Variants in NSF observed in about 807,000 individuals in gnomAD.
NSF encodes the protein N-ethylmaleimide sensitive factor, vesicle fusing ATPase.
NSF carries 14 observed loss-of-function variants against 50.3 expected under a neutral mutation model. That is an observed-to-expected ratio of 0.28 (90% CI 0.18 to 0.44). The LOEUF (loss-of-function observed/expected upper bound fraction) is 0.44. Ranked by LOEUF, NSF falls within the 20% of genes least tolerant of loss-of-function variation. The probability of loss-of-function intolerance (pLI) is 1.00; values close to 1 mark genes in which losing one functional copy is unlikely to be tolerated. For missense variants in NSF, 218 were observed against 504.3 expected (o/e 0.43, Z 5.44); for synonymous variants, 109 against 175.7 (o/e 0.62, Z 3.00).
chr17:46,725,861 A>G (rs2058884213), intron 15 of NSF, among the ~76,000 whole-genome samples: 1 of 152,170 alleles, frequency 6.6e-6, no homozygotes, highest in African/African-American at 2.4e-5. Context: ...CAAAAAGGCT[A>G]GTCTCAAGGC....
Position 46,755,683 on chromosome 17 carries a change from A to G in NSF, c.2214-119A>G. ...AGTGCTCATCTAATAGCAAATGCAT[A>G]GTGGGAAATGTAGGATAACCATTAA... On this transcript the variant is annotated intron_variant, in intron 20 of 20. Coordinates refer to ENST00000398238, the MANE Select transcript of NSF (RefSeq NM_006178.4). The G allele has an allele frequency of 3.6e-6, 4 of 1,109,724 alleles. No homozygotes were observed. In the East Asian group the frequency reaches 7.5e-5, roughly 21 times the overall value. The allele number at this position is 1,109,724 out of a possible 1,614,324, so 68.7% of individuals were successfully genotyped here. A position where few individuals can be genotyped will look rare whatever the true frequency, so the allele number is the denominator to read the frequency against.
intron 17 of NSF, among the ~76,000 whole-genome samples, chr17:46,739,416 G>A (rs1200082844): frequency 7.1e-6 from 1 of 140,808 alleles, no homozygotes; most frequent in Non-Finnish European, 1.5e-5. Context: ...GTGCACACCT[G>A]TAATTCCAGC....
chr17:46,729,489 G>A (rs928414784), intron 17 of NSF, among the ~76,000 whole-genome samples: 6 of 152,010 alleles, frequency 3.9e-5, no homozygotes, highest in East Asian at 1.9e-4. Context: ...GTGGCTATTA[G>A]AGACTTGTGA....
At chr17:46,622,348 C>G in intron 1 of NSF, among the ~76,000 whole-genome samples, 1 of 149,882 alleles carries the variant, frequency 6.7e-6, no homozygotes, top group East Asian at 2.0e-4. Context: ...GTCCCAGCTA[C>G]TTGGGAGGCT....
In NSF at chr17:46,728,887, C is replaced by T; in HGVS notation, c.1861C>T (p.Leu621Phe). The change falls in exon 17 of 21, where the codon CTT becomes TTT. Residue 621 changes from leucine (L) to phenylalanine (F), a missense_variant. This residue lies in a region of NSF where 209 missense variants were observed against 320.9 expected (regional missense o/e 0.65). Transcript: ENST00000398238. ...CCCTATTGGCCCTCGATTTTCAAAT[C>T]TTGTATTACAGGCTCTTCTCGTTTT... Reference protein sequence around the residue: ...YVPIGPRFSNLVLQALLVLLK... With the variant: ...YVPIGPRFSNFVLQALLVLLK... The T allele has an allele frequency of 6.2e-7, 1 of 1,608,234 alleles. No individual in the cohort carries two copies. The highest frequency in any genetic ancestry group is 1.1e-5 in the South Asian group (1 of 89,792).
chr17:46,736,941 C>T (rs1266289837), intron 17 of NSF, among the ~76,000 whole-genome samples: 1 of 152,160 alleles, frequency 6.6e-6, no homozygotes, highest in Non-Finnish European at 1.5e-5. Flanking sequence ...TGGTTGAATG[C>T]CAGTGTGACT....
chr17:46,713,842 T>C lies in NSF; in HGVS notation c.1628-11T>C. 1 of 1,608,022 alleles carries C rather than the reference T, an allele frequency of 6.2e-7. No homozygotes were observed. The highest frequency in any genetic ancestry group is 8.5e-7 in the Non-Finnish European group (1 of 1,178,618). On this transcript the variant is annotated splice_polypyrimidine_tract_variant and intron_variant, in intron 14 of 20. Transcript: ENST00000398238. ...GCTTTTTTCCCCTGACTTGCTCATA[T>C]CTTTATGCAGGCCCTCCTCACAGTG...
intron 15 of NSF, among the ~76,000 whole-genome samples, chr17:46,718,379 G>A (rs2058795535): frequency 6.6e-6 from 1 of 152,042 alleles, no homozygotes; most frequent in African/African-American, 2.4e-5. Context: ...CTACAAGAGT[G>A]GAAATTGAAT....
At chr17:46,731,062 A>G (rs2058943982) in intron 17 of NSF, among the ~76,000 whole-genome samples, 1 of 152,200 alleles carries the variant, frequency 6.6e-6, no homozygotes, top group African/African-American at 2.4e-5. Context: ...TGTCCACATG[A>G]AAGCTTGTAT....
intron 17 of NSF, among the ~76,000 whole-genome samples, chr17:46,748,878 T>C (rs1207993924): frequency 2.0e-5 from 3 of 152,212 alleles, no homozygotes; most frequent in Non-Finnish European, 4.4e-5. Context: ...GGAAATTGAA[T>C]AGTACTCTGC....
intron 15 of NSF, among the ~76,000 whole-genome samples, chr17:46,725,322 C>G (rs2058877184): frequency 1.3e-5 from 2 of 152,054 alleles, no homozygotes; most frequent in African/African-American, 4.8e-5. Flanking sequence ...AGTGGGGAGA[C>G]AGATAGCTTA....
intron 19 of NSF, among the ~76,000 whole-genome samples, chr17:46,754,306 G>A (rs1436121220): frequency 6.6e-6 from 1 of 150,666 alleles, no homozygotes; most frequent in Non-Finnish European, 1.5e-5. Flanking sequence ...TCTGTTCAGT[G>A]TTTTTCTGGG....
At chr17:46,609,233 C>T (rs1170734615) in intron 1 of NSF, among the ~76,000 whole-genome samples, 5 of 148,682 alleles carry the variant, frequency 3.4e-5, no homozygotes, top group Non-Finnish European at 4.4e-5. Context: ...GAGCCAAACA[C>T]GTACAATGTA....
At chr17:46,722,305 G>A (rs973116937) in intron 15 of NSF, 6 of 740,974 alleles carry the variant, frequency 8.1e-6, no homozygotes, top group Non-Finnish European at 1.2e-5. Flanking sequence ...CTTACCTCCA[G>A]CCTCAGTCCT....
At chr17:46,722,502 A>G (rs1240862411) in intron 15 of NSF, among the ~76,000 whole-genome samples, 2 of 152,118 alleles carry the variant, frequency 1.3e-5, no homozygotes, top group African/African-American at 2.4e-5. Flanking sequence ...TTATCTACCT[A>G]AAGTTGTGGT....
At chr17:46,734,854 C>T (rs888260040) in intron 17 of NSF, among the ~76,000 whole-genome samples, 4 of 152,060 alleles carry the variant, frequency 2.6e-5, no homozygotes, top group African/African-American at 9.7e-5. Context: ...GCCAGGAGTT[C>T]GAGACCAGCC....
At chr17:46,751,482 T>G (rs2059181168) in intron 18 of NSF, 21 bp from the exon 19 acceptor site, 1 of 1,576,668 alleles carries the variant, frequency 6.3e-7, no homozygotes, top group Non-Finnish European at 8.7e-7. Context: ...GTGCTTTGAT[T>G]ATTGTTTATT....
At chr17:46,625,788 A>C (rs1414216288) in intron 2 of NSF, among the ~76,000 whole-genome samples, 2 of 107,114 alleles carry the variant, frequency 1.9e-5, no homozygotes, top group Non-Finnish European at 3.4e-5. Context: ...GCATGCCTGT[A>C]GTCCCAACTA....
At chr17:46,602,712 T>G (rs1277149057) in intron 1 of NSF, among the ~76,000 whole-genome samples, 1 of 145,118 alleles carries the variant, frequency 6.9e-6, no homozygotes, top group African/African-American at 2.7e-5. Flanking sequence ...ATTCTGAGTC[T>G]TCCAATGAAC....
Sources: allele counts gnomAD v4.1 joint callset (sites outside exome capture counted in the v4.1 genomes callset), GRCh38; gene constraint gnomAD v4.1.1; regional missense constraint gnomAD v4.1.1; transcripts MANE v1.5; gene names NCBI Gene and HGNC (gene_info 2026-07-23, HGNC 2026-07-21).